The following NEK1 variants were observed in gnomAD, a reference collection of about 807,000 sequenced individuals.
NEK1 encodes NIMA related kinase 1, also known as serine/threonine-protein kinase Nek1.
In NEK1, 137 loss-of-function variants were observed where a neutral mutation model predicts 182.1. The observed-to-expected ratio is 0.75, with a 90% CI of 0.65 to 0.87. The LOEUF (loss-of-function observed/expected upper bound fraction) is 0.87, where lower values mean the gene tolerates loss of function less well. Ranked by LOEUF, NEK1 falls within the 40% of genes least tolerant of loss-of-function variation. The pLI is 0.00. For missense variants in NEK1, 1,391 were observed against 1,494.4 expected, an observed-to-expected ratio of 0.93 and a Z score of 1.14; for synonymous variants, 513 against 492.2, an observed-to-expected ratio of 1.04 and a Z score of -0.56.
intron 26 of NEK1, among the ~76,000 whole-genome samples, chr4:169,474,514 C>T (rs1263070853): frequency 6.6e-6 from 1 of 152,152 alleles, no homozygotes; most frequent in Non-Finnish European, 1.5e-5. Context: ...CTATTCACTT[C>T]CTAATTCTTG....
At chr4:169,478,846 A>C (rs1271766781) in intron 24 of NEK1, among the ~76,000 whole-genome samples, 1 of 152,162 alleles carries the variant, frequency 6.6e-6, no homozygotes, top group African/African-American at 2.4e-5. Flanking sequence ...TACCTGAAAT[A>C]TACTTCTAAG....
At chr4:169,553,504 T>C (rs958151574) in intron 18 of NEK1, among the ~76,000 whole-genome samples, 1 of 152,098 alleles carries the variant, frequency 6.6e-6, no homozygotes, top group African/African-American at 2.4e-5. Context: ...AAACAATTGA[T>C]ATGCTGGACT....
intron 10 of NEK1, among the ~76,000 whole-genome samples, chr4:169,584,485 G>T (rs1433162353): frequency 6.6e-6 from 1 of 152,008 alleles, no homozygotes; most frequent in Non-Finnish European, 1.5e-5. Context: ...GGTGACATGT[G>T]GCTGTAGTCC....
At position 169,496,412 on chromosome 4, in the gene NEK1, T is replaced by C. The variant is rs1048129208; in HGVS notation, c.2007+10625A>G. Among the ~76,000 whole-genome samples the C allele has an allele frequency of 3.3e-5, 5 of 151,126 alleles. No individual in the cohort carries two copies. The South Asian group carries it at 6.3e-4, about 19-fold the overall frequency. On this transcript the variant is annotated intron_variant, in intron 23 of 35. Transcript: ENST00000507142. ...CCCTTTATTTCCTTCTCCTGCCTGA[T>C]TGCCCTGGCCAGAACTTCCAACACT...
At chr4:169,495,239 C>CT (rs774183115) in intron 23 of NEK1, among the ~76,000 whole-genome samples, 2,199 of 105,346 alleles carry the variant, frequency 0.021, 66 homozygotes, top group African/African-American at 0.026. Flanking sequence ...ACATTTAAGT[C>CT]TTTTTTTTTT....
At chr4:169,453,985 T>C (rs929566021) in intron 27 of NEK1, among the ~76,000 whole-genome samples, 2 of 152,104 alleles carry the variant, frequency 1.3e-5, no homozygotes, top group Non-Finnish European at 2.9e-5. Flanking sequence ...AACAGATACA[T>C]AGACCAATAG....
At chr4:169,500,524 A>C (rs1030652852) in intron 23 of NEK1, among the ~76,000 whole-genome samples, 8 of 152,150 alleles carry the variant, frequency 5.3e-5, no homozygotes, top group Non-Finnish European at 1.2e-4. Context: ...AGCTGTTCCT[A>C]TTCGGCCATC....
chr4:169,491,100 G>A (rs1025444884), intron 23 of NEK1, among the ~76,000 whole-genome samples: 3 of 117,988 alleles, frequency 2.5e-5, no homozygotes, highest in African/African-American at 3.3e-5. Context: ...CCAAGATTAC[G>A]TCACTGCACT....
intron 26 of NEK1, among the ~76,000 whole-genome samples, chr4:169,464,566 C>T (rs138055683): frequency 2.6e-5 from 4 of 152,156 alleles, no homozygotes; most frequent in South Asian, 4.2e-4. Flanking sequence ...TCAAAAGTTT[C>T]AGATTTTGGG....
chr4:169,395,172 C>G (rs965794203), intron 35 of NEK1, among the ~76,000 whole-genome samples: 25 of 152,082 alleles, frequency 1.6e-4, no homozygotes, highest in African/African-American at 5.8e-4. Flanking sequence ...ATCTTATATG[C>G]AAGCACTATC....
In NEK1 at chr4:169,589,892, AC is replaced by A. The variant is rs562303740; in HGVS notation, c.397-379del. The stretch of plus-strand genomic sequence containing the variant: ...TCAAAGGACACCATCAAGAAAAGAG[AC>A]AATCCATAAAATGAGAGAAAATTTT... On this transcript the variant is annotated intron_variant, in intron 6 of 35. Transcript: ENST00000507142. Among the ~76,000 whole-genome samples the A allele has an allele frequency of 6.4e-3, 974 of 152,314 alleles. 12 individuals are homozygous for A. The highest frequency in any genetic ancestry group is 0.023 in the African/African-American group (937 of 41,578).
Position 169,400,606 on chromosome 4 carries a change from A to C in NEK1, c.3629T>G (p.Val1210Gly), listed in dbSNP as rs1326396666. Residue 1210 changes from valine to glycine, a missense_variant, in exon 34 of 36, where the codon GTC becomes GGC. Transcript: ENST00000507142. Reference protein sequence around the residue: ...EIASECECDSVFNHLEELRLH... With the variant: ...EIASECECDSGFNHLEELRLH... ...TCTCAGTTCCTCTAAATGGTTAAAGACACTATCGCATTCACATTCACTAGC... is the reference window on the plus strand; with the variant it reads ...TCTCAGTTCCTCTAAATGGTTAAAGCCACTATCGCATTCACATTCACTAGC... 6.2e-7 allele frequency: 1 copy of C among 1,605,244 alleles called. No homozygotes were observed. The highest frequency in any genetic ancestry group is 8.5e-7 in the Non-Finnish European group (1 of 1,175,594).
chr4:169,563,735 T>C (rs1181286776), intron 12 of NEK1, among the ~76,000 whole-genome samples: 2 of 152,216 alleles, frequency 1.3e-5, no homozygotes, highest in African/African-American at 4.8e-5. Flanking sequence ...CAGGTGTGTA[T>C]ACATACTGTA....
intron 23 of NEK1, among the ~76,000 whole-genome samples, chr4:169,492,494 C>T (rs1223898072): frequency 6.6e-6 from 1 of 152,170 alleles, no homozygotes; most frequent in East Asian, 1.9e-4. Context: ...GGCTGCTAAA[C>T]AGCTGGGGAG....
At chr4:169,586,882 G>A (rs1767627679) in intron 9 of NEK1, among the ~76,000 whole-genome samples, 1 of 151,836 alleles carries the variant, frequency 6.6e-6, no homozygotes, top group Admixed American at 6.6e-5. Flanking sequence ...CATTTTACAG[G>A]TAGTCAATAC....
At chr4:169,403,776 A>T (rs1055012000) in intron 32 of NEK1, among the ~76,000 whole-genome samples, 1 of 152,178 alleles carries the variant, frequency 6.6e-6, no homozygotes, top group African/African-American at 2.4e-5. Flanking sequence ...TCTTTTACTA[A>T]ATGAGCACCA....
intron 35 of NEK1, among the ~76,000 whole-genome samples, chr4:169,397,702 G>A (rs750563697): frequency 6.6e-6 from 1 of 152,164 alleles, no homozygotes; most frequent in Non-Finnish European, 1.5e-5. Flanking sequence ...AACCTAGCCT[G>A]ATTCTTGGTC....
chr4:169,559,238 C>T lies in NEK1; in HGVS notation c.1266+2242G>A, dbSNP rs184250278. Among the ~76,000 whole-genome samples the T allele has an allele frequency of 2.6e-3, 397 of 152,164 alleles. 2 individuals carry two copies. The highest frequency in any genetic ancestry group is 5.1e-3 in the Admixed American group (78 of 15,296). ...TTACACAAAAGGGAGAAGAATAAATCATCAAAACTTCAGTGCTAATCACGG... is the reference window on the plus strand; with the variant it reads ...TTACACAAAAGGGAGAAGAATAAATTATCAAAACTTCAGTGCTAATCACGG... On this transcript the variant is annotated intron_variant, in intron 16 of 35. Transcript: ENST00000507142.
intron 19 of NEK1, among the ~76,000 whole-genome samples, chr4:169,535,274 GATC>G (rs1342297524): frequency 6.6e-6 from 1 of 152,156 alleles, no homozygotes; most frequent in Non-Finnish European, 1.5e-5. Context: ...AGCAAGCGGA[GATC>G]ATGTCTCTGC....
Sources: allele counts gnomAD v4.1 joint callset (sites outside exome capture counted in the v4.1 genomes callset), GRCh38; gene constraint gnomAD v4.1.1; transcripts MANE v1.5; gene names NCBI Gene and HGNC (gene_info 2026-07-23, HGNC 2026-07-21).